PAK1: variants seen among roughly 807,000 people sequenced by gnomAD.
PAK1 encodes serine/threonine-protein kinase PAK 1.
In PAK1, 29 loss-of-function variants were observed where a neutral mutation model predicts 67.4. That is an observed-to-expected ratio of 0.43 (90% confidence interval 0.32 to 0.59). The LOEUF is 0.59. Among genes scored for constraint, PAK1 ranks in the 20% least tolerant of loss-of-function variants. The pLI is 0.07. For missense variants in PAK1, 337 were observed against 670.7 expected, an observed-to-expected ratio of 0.50 and a Z score of 5.50; for synonymous variants, 223 against 237.4, an observed-to-expected ratio of 0.94 and a Z score of 0.56.
upstream of PAK1, among the ~76,000 whole-genome samples, chr11:77,478,387 C>G (rs1317387102): frequency 6.6e-6 from 1 of 152,148 alleles, no homozygotes; most frequent in East Asian, 1.9e-4. Context: ...CCAAGATGTT[C>G]TAAGCTCTTC....
chr11:77,410,390 C>T (rs1169424761), intron 1 of PAK1, among the ~76,000 whole-genome samples: 1 of 152,066 alleles, frequency 6.6e-6, no homozygotes, highest in African/African-American at 2.4e-5. Context: ...AGGCAAGGCA[C>T]AGAGGCAGTA....
intron 8 of PAK1, chr11:77,353,293 C>T (rs1356435616): frequency 1.7e-5 from 7 of 404,296 alleles, no homozygotes; most frequent in Non-Finnish European, 2.7e-5. Flanking sequence ...GAAAAAAAAC[C>T]GTTCTCTCAC....
chr11:77,520,868 G>T, the PAK1 span, among the ~76,000 whole-genome samples: 3 of 152,066 alleles, frequency 2.0e-5, no homozygotes, highest in East Asian at 5.8e-4. Context: ...GTGAGGTGTC[G>T]CTCTTTCTCT....
At chr11:77,365,801 C>A (rs1050541353) in intron 5 of PAK1, among the ~76,000 whole-genome samples, 3 of 151,902 alleles carry the variant, frequency 2.0e-5, no homozygotes, top group African/African-American at 4.8e-5. Flanking sequence ...CCACTGTACT[C>A]CAGCCTGGGC....
At position 77,336,443 on chromosome 11, in the gene PAK1, G is replaced by T. The variant is rs574605823; in HGVS notation, c.1217-161C>A. On this transcript the variant is annotated intron_variant, in intron 12 of 14. Transcript: ENST00000356341. ...CACTTGACTACCACCTTCATGTCTAGCTCCTAGCCTATTTCCTATTGAACC... is the reference window on the plus strand; with the variant it reads ...CACTTGACTACCACCTTCATGTCTATCTCCTAGCCTATTTCCTATTGAACC... 5.9e-5 allele frequency among the ~76,000 whole-genome samples: 9 copies of T among 152,246 alleles called. No individual in the cohort carries two copies. The South Asian group carries it at 1.9e-3, about 32-fold the overall frequency.
In PAK1 at chr11:77,369,950, T is replaced by C. The variant is rs564243014; in HGVS notation, c.477+4378A>G. Among the ~76,000 whole-genome samples the C allele has an allele frequency of 2.0e-5, 3 of 152,322 alleles. No homozygotes were observed. In the South Asian group the frequency reaches 6.2e-4, roughly 32 times the overall value. Reference sequence around the variant, plus strand: ...TTGGTTCCTCTCTTTAATGTTGTGTTTCTCTCAAATGTCTGCAGATCCTTA... The same window carrying C: ...TTGGTTCCTCTCTTTAATGTTGTGTCTCTCTCAAATGTCTGCAGATCCTTA... On this transcript the variant is annotated intron_variant, in intron 5 of 14. Coordinates refer to ENST00000356341, the MANE Select transcript of PAK1 (RefSeq NM_002576.5).
chr11:77,502,013 T>C, the PAK1 span, among the ~76,000 whole-genome samples: 1 of 152,250 alleles, frequency 6.6e-6, no homozygotes, highest in Non-Finnish European at 1.5e-5. Flanking sequence ...CTGTGCCTGC[T>C]GGGCATTTAA....
intron 4 of PAK1, among the ~76,000 whole-genome samples, chr11:77,376,638 G>A (rs1194540956): frequency 6.6e-6 from 1 of 151,228 alleles, no homozygotes; most frequent in African/African-American, 2.4e-5. Context: ...CTGGGAGGCT[G>A]AGGCAGAAGA....
chr11:77,375,395 C>G (rs1433447910), intron 4 of PAK1, among the ~76,000 whole-genome samples: 1 of 152,108 alleles, frequency 6.6e-6, no homozygotes, highest in African/African-American at 2.4e-5. Context: ...CCCACAAGGA[C>G]AAAAGGACTA....
chr11:77,495,333 G>C, the PAK1 span, among the ~76,000 whole-genome samples: 1 of 150,664 alleles, frequency 6.6e-6, no homozygotes, highest in African/African-American at 2.4e-5. Flanking sequence ...AATTAGCCAG[G>C]CGCGGTGGTG....
chr11:77,489,229 C>G, the PAK1 span, among the ~76,000 whole-genome samples: 1 of 152,178 alleles, frequency 6.6e-6, no homozygotes, highest in African/African-American at 2.4e-5. Context: ...AATAATGAAG[C>G]AGCCTTATTC....
intron 1 of PAK1, among the ~76,000 whole-genome samples, chr11:77,449,302 C>A (rs1003565657): frequency 2.0e-5 from 3 of 152,074 alleles, no homozygotes; most frequent in African/African-American, 7.2e-5. Context: ...AAGAAGGCAA[C>A]GACTTTAAAG....
chr11:77,402,156 T>C (rs1283272525), intron 1 of PAK1, among the ~76,000 whole-genome samples: 3 of 152,162 alleles, frequency 2.0e-5, no homozygotes, highest in Non-Finnish European at 4.4e-5. Flanking sequence ...TTCTGATTAT[T>C]CTCTTGAAAA....
intron 5 of PAK1, among the ~76,000 whole-genome samples, chr11:77,362,284 G>C (rs1046166162): frequency 6.6e-6 from 1 of 152,108 alleles, no homozygotes; most frequent in Non-Finnish European, 1.5e-5. Context: ...CGTTCTTCTT[G>C]CAACTTCCTC....
chr11:77,413,713 AAAGGAAGG>A (rs535630670), intron 1 of PAK1, among the ~76,000 whole-genome samples: 16 of 152,016 alleles, frequency 1.1e-4, no homozygotes, highest in Non-Finnish European at 1.6e-4. Context: ...AAAGGAAAGA[AAAGGAAGG>A]AAGGAAGGAA....
chr11:77,396,899 T>A (rs753369518), intron 1 of PAK1: 1 of 152,194 alleles, frequency 6.6e-6, no homozygotes, highest in Non-Finnish European at 1.5e-5. Context: ...AATGGTCATT[T>A]TGTATATCTA....
At chr11:77,330,878 C>T (rs962683232) in intron 14 of PAK1, among the ~76,000 whole-genome samples, 1 of 152,062 alleles carries the variant, frequency 6.6e-6, no homozygotes, top group Non-Finnish European at 1.5e-5. Flanking sequence ...ATTTTTGCAA[C>T]CTACTCATCT....
At chr11:77,484,984 A>G in the PAK1 span, among the ~76,000 whole-genome samples, 1 of 152,156 alleles carries the variant, frequency 6.6e-6, no homozygotes, top group Non-Finnish European at 1.5e-5. Flanking sequence ...TGTACAGGAA[A>G]ACTCCCCGTT....
intron 4 of PAK1, among the ~76,000 whole-genome samples, chr11:77,378,387 T>C (rs1393831505): frequency 6.6e-6 from 1 of 152,164 alleles, no homozygotes; most frequent in African/African-American, 2.4e-5. Context: ...CTACCGAGGG[T>C]ACATCTAAAG....
Sources: gnomAD v4.1 joint callset for allele counts (sites outside exome capture counted in the v4.1 genomes callset) on GRCh38, gnomAD v4.1.1 for gene constraint, MANE v1.5 for transcripts, NCBI Gene and HGNC (gene_info 2026-07-23, HGNC 2026-07-21) for gene names.